Variants in MAMLD1 observed in about 807,000 individuals in gnomAD.
MAMLD1 encodes mastermind like domain containing 1.
A neutral mutation model predicts 45.0 loss-of-function variants in MAMLD1; 14 were observed. That is an observed-to-expected ratio of 0.31 (90% CI 0.21 to 0.49). MAMLD1 has a LOEUF of 0.49. Ranked by LOEUF, MAMLD1 falls within the 20% of genes least tolerant of loss-of-function variation. MAMLD1 has a pLI of 0.99. For missense variants in MAMLD1, 543 were observed against 603.6 expected, an observed-to-expected ratio of 0.90 and a Z score of 1.05; for synonymous variants, 254 against 247.8, an observed-to-expected ratio of 1.02 and a Z score of -0.24.
chrX:150,461,392 C>T (rs782716162), intron 2 of MAMLD1, among the ~76,000 whole-genome samples: 25 of 112,857 alleles, frequency 2.2e-4, no homozygotes, highest in Middle Eastern at 9.1e-3. Flanking sequence ...TTGGGGGTTA[C>T]TGCTTGAGAG....
intron 4 of MAMLD1, 127 bp downstream of exon 4, chrX:150,471,617 T>C: frequency 9.6e-7 from 1 of 1,044,917 alleles, no homozygotes; most frequent in East Asian, 3.1e-5. Context: ...GAAAAGACTC[T>C]GAAAAAGTCT....
At chrX:150,449,342 A>T (rs782527558) in intron 2 of MAMLD1, among the ~76,000 whole-genome samples, 115 of 111,385 alleles carry the variant, frequency 1.0e-3, no homozygotes, top group African/African-American at 3.7e-3. Context: ...AAATGCAAGT[A>T]GGGCTGAAGA....
At chrX:150,397,138 T>C (rs1290837945) in intron 1 of MAMLD1, among the ~76,000 whole-genome samples, 1 of 112,222 alleles carries the variant, frequency 8.9e-6, no homozygotes, top group Non-Finnish European at 1.9e-5. Flanking sequence ...ATGGGAGAAG[T>C]AAGGCTACTT....
At chrX:150,442,757 C>T (rs896036817) in intron 1 of MAMLD1, among the ~76,000 whole-genome samples, 2 of 111,474 alleles carry the variant, frequency 1.8e-5, no homozygotes. Context: ...GTCTTTATTC[C>T]CTTCTAATGT....
In MAMLD1 at chrX:150,438,856, T is replaced by C. The variant is rs151217984; in HGVS notation, c.-63-6598T>C. Among the ~76,000 whole-genome samples the C allele has an allele frequency of 2.1e-3, 237 of 112,356 alleles. 2 individuals are homozygous for C. Among genetic ancestry groups the C allele is most frequent in the African/African-American group, 7.2e-3 (223 of 30,920 alleles). ...TCCTTATTTTCAATTCCTTTGGGTA[T>C]ATACCGAGGAGTGGAATTGTGGGGT... On this transcript the variant is annotated intron_variant, in intron 1 of 7. Transcript: ENST00000370401.
At chrX:150,483,767 C>CTGT (rs72344763) in intron 5 of MAMLD1, among the ~76,000 whole-genome samples, 1 of 112,010 alleles carries the variant, frequency 8.9e-6, no homozygotes, top group African/African-American at 3.2e-5. Context: ...GTTGTTTCTG[C>CTGT]TGTTGTTGTT....
intron 6 of MAMLD1, among the ~76,000 whole-genome samples, chrX:150,508,310 C>T (rs1354287863): frequency 3.6e-5 from 4 of 112,070 alleles, no homozygotes; most frequent in Non-Finnish European, 7.5e-5. Context: ...ATGGGTGAGA[C>T]GTGCTCAGTA....
intron 2 of MAMLD1, among the ~76,000 whole-genome samples, chrX:150,460,569 C>G (rs1254489307): frequency 2.7e-5 from 3 of 111,724 alleles, no homozygotes; most frequent in African/African-American, 9.8e-5. Flanking sequence ...TGGGTCAGAT[C>G]ATAAGGGGGG....
chrX:150,494,706 C>A, intron 5 of MAMLD1, among the ~76,000 whole-genome samples: 1 of 109,269 alleles, frequency 9.2e-6, no homozygotes, highest in Admixed American at 9.8e-5. Context: ...ATGGGGAAAC[C>A]CTGTCTCTAC....
At chrX:150,375,614 G>A (rs1557401456) in intron 1 of MAMLD1, among the ~76,000 whole-genome samples, 1 of 112,458 alleles carries the variant, frequency 8.9e-6, no homozygotes, top group Non-Finnish European at 1.9e-5. Context: ...GCTTTGAATT[G>A]CCTTGCAAAC....
chrX:150,369,806 G>A (rs782503067), intron 1 of MAMLD1, among the ~76,000 whole-genome samples: 1 of 108,603 alleles, frequency 9.2e-6, no homozygotes, highest in Non-Finnish European at 1.9e-5. Context: ...TGTGGGTTCT[G>A]AACCCATTGT....
intron 1 of MAMLD1, among the ~76,000 whole-genome samples, chrX:150,401,143 A>ATTGG (rs1348003921): frequency 7.2e-5 from 8 of 111,193 alleles, no homozygotes; most frequent in Non-Finnish European, 1.3e-4. Context: ...AGCTCCTGTT[A>ATTGG]TTGGTCTATT....
At chrX:150,404,400 C>T (rs2033948052) in intron 1 of MAMLD1, among the ~76,000 whole-genome samples, 1 of 111,786 alleles carries the variant, frequency 8.9e-6, no homozygotes, top group East Asian at 2.8e-4. Context: ...TAAGAAAGCA[C>T]AGGGCCATCA....
chrX:150,368,548 A>G (rs1310024856), intron 1 of MAMLD1, among the ~76,000 whole-genome samples: 3 of 111,141 alleles, frequency 2.7e-5, no homozygotes, highest in Non-Finnish European at 5.7e-5. Flanking sequence ...TTTGCTGTGC[A>G]GAAGCTCTTT....
In MAMLD1 at chrX:150,513,745, G is replaced by A; in HGVS notation, c.*1786G>A. 2 of 297,297 alleles carry A rather than the reference G, an allele frequency of 6.7e-6. No individual in the cohort carries two copies. The highest frequency in any genetic ancestry group is 6.1e-5 in the Admixed American group (1 of 16,473). The allele number at this position is 297,297 out of a possible 1,213,427, so 24.5% of individuals were successfully genotyped here. On this transcript the variant is annotated 3_prime_UTR_variant, in exon 8 of 8. Coordinates refer to ENST00000370401, the MANE Select transcript of MAMLD1 (RefSeq NM_005491.5). ...GGAGAGGCGCAGAGACAGTGTGTGAGCCGAGCCCTGTCTCAGCAATCCACC... is the reference window on the plus strand; with the variant it reads ...GGAGAGGCGCAGAGACAGTGTGTGAACCGAGCCCTGTCTCAGCAATCCACC...
chrX:150,382,730 A>G (rs2032675786), intron 1 of MAMLD1, among the ~76,000 whole-genome samples: 1 of 111,094 alleles, frequency 9.0e-6, no homozygotes, highest in South Asian at 3.7e-4. Context: ...AAATTCAAAA[A>G]TGTCAATATT....
intron 5 of MAMLD1, among the ~76,000 whole-genome samples, chrX:150,477,011 A>T (rs782358935): frequency 6.2e-5 from 7 of 112,914 alleles, no homozygotes; most frequent in Non-Finnish European, 1.3e-4. Context: ...TACTTCCAGC[A>T]CCCAGGGCCT....
At chrX:150,453,124 G>A (rs1235307056) in intron 2 of MAMLD1, among the ~76,000 whole-genome samples, 1 of 112,044 alleles carries the variant, frequency 8.9e-6, no homozygotes, top group Admixed American at 9.4e-5. Context: ...GCAATGTGAG[G>A]AGGGCAACTT....
chrX:150,470,514 A>G lies in MAMLD1; in HGVS notation c.941A>G (p.Lys314Arg), dbSNP rs782368902. The G allele has an allele frequency of 7.4e-6, 9 of 1,211,740 alleles. No individual in the cohort carries two copies. The highest frequency in any genetic ancestry group is 1.0e-5 in the Non-Finnish European group (9 of 895,511). The change falls in exon 4 of 8, where the codon AAG becomes AGG. Residue 314 changes from lysine to arginine, a missense_variant. Physicochemically the swap from Lys to Arg is conservative, Grantham distance 26. Transcript: ENST00000370401. ...AHQLKALAAS[K>R]QGSATKQQGP... ...CAGCTGAAGGCGTTGGCAGCCAGCA[A>G]GCAGGGGTCTGCTACAAAGCAGCAA...
Sources: gnomAD v4.1 joint callset for allele counts (sites outside exome capture counted in the v4.1 genomes callset) on GRCh38, gnomAD v4.1.1 for gene constraint, MANE v1.5 for transcripts, NCBI Gene and HGNC (gene_info 2026-07-23, HGNC 2026-07-21) for gene names.